PTPRT: variants seen among roughly 807,000 people sequenced by gnomAD.
The protein encoded by PTPRT is protein tyrosine phosphatase receptor type T, also known as receptor-type tyrosine-protein phosphatase T.
A neutral mutation model predicts 176.8 loss-of-function variants in PTPRT; 56 were observed. That is an observed-to-expected ratio of 0.32 (90% CI 0.26 to 0.40). PTPRT has a LOEUF of 0.40. Ranked by LOEUF, PTPRT falls within the 10% of genes least tolerant of loss-of-function variation. The pLI, the probability that PTPRT is intolerant of heterozygous loss-of-function variation, is 1.00. For missense variants in PTPRT, 1,540 were observed against 1,908.2 expected (o/e 0.81, Z 3.60); for synonymous variants, 783 against 739.0 (o/e 1.06, Z -0.96).
intron 9 of PTPRT, among the ~76,000 whole-genome samples, chr20:42,437,081 CGTAA>C (rs2059268656): frequency 1.3e-5 from 2 of 152,068 alleles, no homozygotes; most frequent in South Asian, 2.1e-4. Context: ...GATGGGGAGA[CGTAA>C]GTGAGTAGAA....
Position 42,338,870 on chromosome 20 carries a change from T to TA in PTPRT, c.1865+11757dup, listed in dbSNP as rs562724735. On this transcript the variant is annotated intron_variant, in intron 11 of 30. Coordinates refer to ENST00000373187, the MANE Select transcript of PTPRT (RefSeq NM_007050.6). Reference sequence around the variant, plus strand: ...CTGAACCTCTGAACTGTCTGAAGGTTAAAAACCTTCATTTTTTCTCTCTTC... The same window carrying TA: ...CTGAACCTCTGAACTGTCTGAAGGTTAAAAAACCTTCATTTTTTCTCTCTTC... Among the ~76,000 whole-genome samples, 675 of 152,268 alleles carry TA rather than the reference T, an allele frequency of 4.4e-3. 2 individuals carry two copies. The highest frequency in any genetic ancestry group is 0.014 in the Middle Eastern group (4 of 294).
intron 6 of PTPRT, among the ~76,000 whole-genome samples, chr20:42,723,904 C>T (rs933008677): frequency 1.3e-5 from 2 of 152,204 alleles, no homozygotes; most frequent in African/African-American, 4.8e-5. Context: ...GGGATTATCA[C>T]TGGGCTTGGA....
chr20:43,128,652 A>C (rs570790005), intron 1 of PTPRT, among the ~76,000 whole-genome samples: 38 of 152,240 alleles, frequency 2.5e-4, no homozygotes, highest in Non-Finnish European at 5.6e-4. Context: ...CAGTCTCCCC[A>C]TTATTACCAC....
intron 4 of PTPRT, among the ~76,000 whole-genome samples, chr20:42,774,161 T>A (rs1242558586): frequency 6.6e-6 from 1 of 152,238 alleles, no homozygotes; most frequent in Non-Finnish European, 1.5e-5. Context: ...AAGAGCCAGT[T>A]ATGTAAATTA....
At position 42,163,447 on chromosome 20, in the gene PTPRT, C is replaced by T. The variant is rs1239186580; in HGVS notation, c.2492-1905G>A. Among the ~76,000 whole-genome samples the T allele has an allele frequency of 3.9e-5, 6 of 152,196 alleles. No individual in the cohort carries two copies. In the East Asian group the frequency reaches 1.2e-3, roughly 29 times the overall value. On this transcript the variant is annotated intron_variant, in intron 16 of 30. Transcript: ENST00000373187. ...TTTCTCCCGGGATTTTAGGTAATAG[C>T]TAGTACATGTTCACTGGCATTGCTT...
intron 12 of PTPRT, among the ~76,000 whole-genome samples, chr20:42,287,480 G>A (rs2057249429): frequency 6.6e-6 from 1 of 151,954 alleles, no homozygotes; most frequent in African/African-American, 2.4e-5. Flanking sequence ...GCAGTAAACA[G>A]AAAGTTAAAT....
intron 9 of PTPRT, among the ~76,000 whole-genome samples, chr20:42,400,673 T>G (rs2058896676): frequency 6.6e-6 from 1 of 152,016 alleles, no homozygotes; most frequent in South Asian, 2.1e-4. Flanking sequence ...CATGGTGTAT[T>G]GAGGGAATAC....
chr20:43,024,122 C>T (rs1985817479), intron 1 of PTPRT, among the ~76,000 whole-genome samples: 1 of 152,150 alleles, frequency 6.6e-6, no homozygotes, highest in South Asian at 2.1e-4. Context: ...CAAACCCCTG[C>T]TCCACCACAG....
intron 24 of PTPRT, among the ~76,000 whole-genome samples, chr20:42,106,044 C>T (rs975950423): frequency 2.6e-5 from 4 of 152,124 alleles, no homozygotes; most frequent in African/African-American, 9.7e-5. Context: ...TCACATGGAC[C>T]GAAGTTCTAC....
rs1982650456 is a variant in PTPRT at position 42,075,179 on chromosome 20, CT to C, written c.*5699del. ...AACAAATCTGAATCTCAGCTTGTCTCTTCTAGTTGGATTTACTTTTCCTATT... is the reference window on the plus strand; with the variant it reads ...AACAAATCTGAATCTCAGCTTGTCTCTCTAGTTGGATTTACTTTTCCTATT... On this transcript the variant is annotated 3_prime_UTR_variant, in exon 31 of 31. Coordinates refer to ENST00000373187, the MANE Select transcript of PTPRT (RefSeq NM_007050.6). 1.1e-5 allele frequency: 3 copies of C among 273,408 alleles called. No homozygotes were observed. The highest frequency in any genetic ancestry group is 2.1e-5 in the Non-Finnish European group (3 of 145,600). 16.9% of individuals were successfully genotyped at this position (273,408 alleles called of 1,614,324 possible).
intron 1 of PTPRT, among the ~76,000 whole-genome samples, chr20:42,930,832 T>C (rs1979800016): frequency 6.6e-6 from 1 of 152,168 alleles, no homozygotes; most frequent in Non-Finnish European, 1.5e-5. Flanking sequence ...CAAAACTTTA[T>C]ACCATAGCTA....
At chr20:42,670,211 T>C (rs1184933856) in intron 7 of PTPRT, among the ~76,000 whole-genome samples, 2 of 152,188 alleles carry the variant, frequency 1.3e-5, no homozygotes, top group African/African-American at 4.8e-5. Flanking sequence ...AAGATTTATT[T>C]CTAAATAATG....
intron 18 of PTPRT, among the ~76,000 whole-genome samples, chr20:42,132,960 C>T (rs1037548065): frequency 6.6e-5 from 10 of 152,198 alleles, no homozygotes; most frequent in African/African-American, 2.4e-4. Context: ...AATTGTGGTG[C>T]AGACGGTCCC....
chr20:42,945,053 AG>A (rs1222681291), intron 1 of PTPRT, among the ~76,000 whole-genome samples: 1 of 149,136 alleles, frequency 6.7e-6, no homozygotes, highest in Non-Finnish European at 1.5e-5. Context: ...TGTGTTATAT[AG>A]TATTTATATA....
chr20:43,106,976 G>T (rs2012643201), intron 1 of PTPRT, among the ~76,000 whole-genome samples: 1 of 151,956 alleles, frequency 6.6e-6, no homozygotes, highest in Non-Finnish European at 1.5e-5. Flanking sequence ...TTTTAGTAGA[G>T]ATGGGGTTTC....
intron 7 of PTPRT, among the ~76,000 whole-genome samples, chr20:42,598,621 C>A (rs962364036): frequency 6.6e-6 from 1 of 151,938 alleles, no homozygotes; most frequent in Non-Finnish European, 1.5e-5. Context: ...ACAACATGTA[C>A]ATTATTTTCA....
At chr20:42,788,237 C>A (rs1355788436) in intron 3 of PTPRT, among the ~76,000 whole-genome samples, 1 of 36,200 alleles carries the variant, frequency 2.8e-5, no homozygotes, top group Non-Finnish European at 6.4e-5. Context: ...CCTGACCACC[C>A]CAAGGCCAGC....
intron 9 of PTPRT, among the ~76,000 whole-genome samples, chr20:42,397,812 G>A (rs575594937): frequency 6.6e-6 from 1 of 152,254 alleles, no homozygotes; most frequent in Non-Finnish European, 1.5e-5. Flanking sequence ...ACCCAGTAGT[G>A]GGATTGCTGG....
intron 2 of PTPRT, among the ~76,000 whole-genome samples, chr20:42,796,614 T>G (rs867992578): frequency 6.6e-6 from 1 of 152,254 alleles, no homozygotes; most frequent in African/African-American, 2.4e-5. Context: ...GTTTCCCAGA[T>G]AGCTATTTAA....
Sources: gnomAD v4.1 joint callset for allele counts (sites outside exome capture counted in the v4.1 genomes callset) on GRCh38, gnomAD v4.1.1 for gene constraint, MANE v1.5 for transcripts, NCBI Gene and HGNC (gene_info 2026-07-23, HGNC 2026-07-21) for gene names.